CDH13: variants seen among roughly 807,000 people sequenced by gnomAD.
CDH13 encodes cadherin 13, also known as cadherin-13.
Under a neutral mutation model 63.8 loss-of-function variants are expected in CDH13, and 24 were observed. The observed-to-expected ratio is 0.38, with a 90% confidence interval of 0.27 to 0.53. The LOEUF (loss-of-function observed/expected upper bound fraction) is 0.53. Ranked by LOEUF, CDH13 falls within the 20% of genes least tolerant of loss-of-function variation. The probability of loss-of-function intolerance (pLI) is 0.85; values close to 1 mark genes in which losing one functional copy is unlikely to be tolerated. For synonymous variants in CDH13, 503 were observed against 355.3 expected, an observed-to-expected ratio of 1.42 and a Z score of -4.67; for missense variants, 1,049 against 903.1, an observed-to-expected ratio of 1.16 and a Z score of -2.07.
At chr16:83,096,868 A>G (rs1400974764) in intron 3 of CDH13, among the ~76,000 whole-genome samples, 1 of 152,204 alleles carries the variant, frequency 6.6e-6, no homozygotes, top group African/African-American at 2.4e-5. Flanking sequence ...GTTTTTGTTT[A>G]AAGGAAAAAT....
At chr16:83,780,607 A>C (rs1915450060) in intron 12 of CDH13, among the ~76,000 whole-genome samples, 5 of 152,306 alleles carry the variant, frequency 3.3e-5, no homozygotes, top group Middle Eastern at 3.4e-3. Context: ...TATCCCCATC[A>C]CCCAATAGTG....
chr16:82,669,668 C>T (rs1168017566), intron 1 of CDH13, among the ~76,000 whole-genome samples: 1 of 152,190 alleles, frequency 6.6e-6, no homozygotes, highest in African/African-American at 2.4e-5. Context: ...TGTTTCTTCT[C>T]TTGTGATTAG....
intron 5 of CDH13, among the ~76,000 whole-genome samples, chr16:83,276,542 G>A (rs954810333): frequency 2.1e-4 from 32 of 152,242 alleles, no homozygotes; most frequent in African/African-American, 7.7e-4. Context: ...CCCATGGCTG[G>A]GGAGGCCTCA....
At position 83,061,340 on chromosome 16, in the gene CDH13, A is replaced by T. The variant is rs556877566; in HGVS notation, c.366+29122A>T. On this transcript the variant is annotated intron_variant, in intron 3 of 13. Transcript: ENST00000567109. ...GTTGCAAAGGGGCTTTGTCCGGATGAGTGGATTTTTTGTGTCCCTTACACC... is the reference window on the plus strand; with the variant it reads ...GTTGCAAAGGGGCTTTGTCCGGATGTGTGGATTTTTTGTGTCCCTTACACC... Among the ~76,000 whole-genome samples, 214 of 151,880 alleles carry T rather than the reference A, an allele frequency of 1.4e-3. 2 individuals carry two copies. Among genetic ancestry groups the T allele is most frequent in the Middle Eastern group, 0.01 (3 of 292 alleles).
At chr16:83,186,597 G>A (rs544857541) in intron 4 of CDH13, among the ~76,000 whole-genome samples, 24 of 152,162 alleles carry the variant, frequency 1.6e-4, no homozygotes, top group Non-Finnish European at 2.8e-4. Context: ...TTTGTCGTAC[G>A]TTGTGTTTAA....
At chr16:83,111,801 T>TAAACCAAC (rs1567840400) in intron 3 of CDH13, among the ~76,000 whole-genome samples, 1 of 152,162 alleles carries the variant, frequency 6.6e-6, no homozygotes, top group Non-Finnish European at 1.5e-5. Context: ...ATTTCATAGT[T>TAAACCAAC]TCATCATTTT....
chr16:83,221,436 TATG>T (rs1290331671), intron 5 of CDH13, among the ~76,000 whole-genome samples: 1 of 152,222 alleles, frequency 6.6e-6, no homozygotes, highest in Non-Finnish European at 1.5e-5. Context: ...TACTCATTAT[TATG>T]CATTTTGCCA....
chr16:83,539,360 G>T (rs1396712556), intron 7 of CDH13, among the ~76,000 whole-genome samples: 1 of 152,144 alleles, frequency 6.6e-6, no homozygotes, highest in East Asian at 1.9e-4. Context: ...AGCTCAGGTG[G>T]TCATGCTCAC....
chr16:82,970,555 G>A lies in CDH13; in HGVS notation c.158-61455G>A, dbSNP rs1203069291. Among the ~76,000 whole-genome samples the A allele has an allele frequency of 7.7e-5, 10 of 129,808 alleles. 1 individual carries two copies. Among genetic ancestry groups the A allele is most frequent in the South Asian group, 2.3e-4 (1 of 4,324 alleles). 85.2% of individuals were successfully genotyped at this position (129,808 alleles called of 152,430 possible). On this transcript the variant is annotated intron_variant, in intron 2 of 13. Coordinates refer to ENST00000567109, the MANE Select transcript of CDH13 (RefSeq NM_001257.5). ...GCTGGGACTACAGGCGCCCGCCACC[G>A]CGCCCGGCTAATTTTTTGTATTTTT... is the stretch of plus-strand genomic sequence containing the variant.
At chr16:83,648,337 G>C (rs994415302) in intron 8 of CDH13, among the ~76,000 whole-genome samples, 3 of 152,140 alleles carry the variant, frequency 2.0e-5, no homozygotes, top group Non-Finnish European at 2.9e-5. Context: ...GGAGACTTAA[G>C]GGTCACTTTG....
intron 5 of CDH13, among the ~76,000 whole-genome samples, chr16:83,330,084 C>G (rs936579970): frequency 6.6e-6 from 1 of 152,168 alleles, no homozygotes; most frequent in Non-Finnish European, 1.5e-5. Flanking sequence ...GCATTGCCTT[C>G]AAATAGAAGA....
intron 10 of CDH13, among the ~76,000 whole-genome samples, chr16:83,716,650 A>C (rs776945457): frequency 2.6e-5 from 4 of 151,848 alleles, no homozygotes; most frequent in Non-Finnish European, 5.9e-5. Context: ...CACCCGGTTA[A>C]TTTTTGTATT....
intron 6 of CDH13, among the ~76,000 whole-genome samples, chr16:83,412,383 A>T (rs893227746): frequency 1.3e-5 from 2 of 152,092 alleles, no homozygotes; most frequent in Admixed American, 6.6e-5. Context: ...AATCGCTTGA[A>T]CCTAGGAGGC....
intron 5 of CDH13, among the ~76,000 whole-genome samples, chr16:83,252,134 A>ATG (rs60250368): frequency 5.8e-5 from 5 of 86,738 alleles, no homozygotes; most frequent in African/African-American, 1.4e-4. Flanking sequence ...ACACACATAT[A>ATG]TATGTATATA....
chr16:82,709,300 G>A (rs777010465), intron 1 of CDH13, among the ~76,000 whole-genome samples: 3 of 152,108 alleles, frequency 2.0e-5, no homozygotes, highest in Non-Finnish European at 1.5e-5. Context: ...TTCTGAACTT[G>A]CAATTTTTTT....
At chr16:83,076,560 T>A (rs1436493759) in intron 3 of CDH13, among the ~76,000 whole-genome samples, 4 of 152,186 alleles carry the variant, frequency 2.6e-5, no homozygotes, top group Admixed American at 1.3e-4. Context: ...TAAACCACCA[T>A]GTGCCCATAA....
intron 6 of CDH13, among the ~76,000 whole-genome samples, chr16:83,354,595 G>C (rs2091017980): frequency 6.6e-6 from 1 of 152,192 alleles, no homozygotes; most frequent in Non-Finnish European, 1.5e-5. Context: ...ATAAGGTCAA[G>C]AAAAGTCCTC....
chr16:82,956,844 T>C (rs1906189390), intron 2 of CDH13, among the ~76,000 whole-genome samples: 1 of 152,208 alleles, frequency 6.6e-6, no homozygotes, highest in East Asian at 1.9e-4. Flanking sequence ...TTGGATGCCA[T>C]AGCAAAGATT....
At chr16:82,872,671 G>A (rs1376558008) in intron 2 of CDH13, among the ~76,000 whole-genome samples, 2 of 152,140 alleles carry the variant, frequency 1.3e-5, no homozygotes, top group Non-Finnish European at 2.9e-5. Flanking sequence ...TGGCTTGAGA[G>A]CAAAAGGGCA....
Sources: gnomAD v4.1 joint callset for allele counts (sites outside exome capture counted in the v4.1 genomes callset) on GRCh38, gnomAD v4.1.1 for gene constraint, MANE v1.5 for transcripts, NCBI Gene and HGNC (gene_info 2026-07-23, HGNC 2026-07-21) for gene names.